The following POU2AF2 variants were observed in gnomAD, a reference collection of about 807,000 sequenced individuals.
POU2AF2 encodes the protein POU domain class 2-associating factor 2.
chr11:111,280,751 A>T, the POU2AF2 span, among the ~76,000 whole-genome samples: 1 of 152,252 alleles, frequency 6.6e-6, no homozygotes, highest in East Asian at 1.9e-4. Context: ...GCTTCCTTTA[A>T]ATGAAAAAGT....
At chr11:111,284,251 C>G in the POU2AF2 span, 4 of 1,614,128 alleles carry the variant, frequency 2.5e-6, no homozygotes, top group South Asian at 1.1e-5. Flanking sequence ...CCTACTTCCC[C>G]CAGGAGCCCT....
At chr11:111,284,296 C>T in the POU2AF2 span, 5 of 1,613,378 alleles carry the variant, frequency 3.1e-6, no homozygotes, top group African/African-American at 6.7e-5. Flanking sequence ...TGACGCCCAA[C>T]GCGGGCTCTC....
At chr11:111,281,284 C>T in the POU2AF2 span, 1 of 798,056 alleles carries the variant, frequency 1.3e-6, no homozygotes, top group African/African-American at 1.8e-5. Context: ...CAACCCAACT[C>T]CCCAGATAAT....
the POU2AF2 span, among the ~76,000 whole-genome samples, chr11:111,264,543 A>G: frequency 5.7e-5 from 4 of 69,882 alleles, no homozygotes; most frequent in African/African-American, 2.1e-4. Context: ...AAAGAAAGAA[A>G]GAAAGAAAGA....
chr11:111,264,497 A>G, the POU2AF2 span, among the ~76,000 whole-genome samples: 2 of 6,680 alleles, frequency 3.0e-4, no homozygotes, highest in Non-Finnish European at 3.5e-4. Context: ...CTCACGAAAG[A>G]AAGAAAGAAA....
At chr11:111,256,826 T>C in the POU2AF2 span, among the ~76,000 whole-genome samples, 1 of 152,242 alleles carries the variant, frequency 6.6e-6, no homozygotes, top group Admixed American at 6.5e-5. Context: ...GGAATAATAC[T>C]CACCTTCATC....
chr11:111,280,057 A>AAAAAATATATATATATAT, the POU2AF2 span, among the ~76,000 whole-genome samples: 1 of 76,476 alleles, frequency 1.3e-5, no homozygotes, highest in Middle Eastern at 6.7e-3. Context: ...AAAAAAAAAA[A>AAAAAATATATATATATAT]ATATATATAT....
the POU2AF2 span, among the ~76,000 whole-genome samples, chr11:111,269,380 T>A: frequency 5.3e-5 from 8 of 152,182 alleles, no homozygotes; most frequent in Admixed American, 5.2e-4. Context: ...TTTAGAGATC[T>A]GAACCACATT....
chr11:111,259,778 A>T, the POU2AF2 span, among the ~76,000 whole-genome samples: 1 of 152,366 alleles, frequency 6.6e-6, no homozygotes, highest in South Asian at 2.1e-4. Flanking sequence ...ATTCTCAGGC[A>T]TCAAGTGCAT....
chr11:111,271,497 C>CT, the POU2AF2 span, among the ~76,000 whole-genome samples: 1 of 152,102 alleles, frequency 6.6e-6, no homozygotes, highest in Admixed American at 6.5e-5. Flanking sequence ...ATTTGGCTCA[C>CT]TGCAGCCTTG....
chr11:111,267,124 T>C, the POU2AF2 span, among the ~76,000 whole-genome samples: 1 of 152,202 alleles, frequency 6.6e-6, no homozygotes, highest in African/African-American at 2.4e-5. Flanking sequence ...GGACCTTCCT[T>C]TCCTACGATA....
chr11:111,246,768 T>C, the POU2AF2 span, among the ~76,000 whole-genome samples: 1 of 152,196 alleles, frequency 6.6e-6, no homozygotes, highest in South Asian at 2.1e-4. Context: ...ATGGTTACTA[T>C]AGTGAAACAG....
the POU2AF2 span, among the ~76,000 whole-genome samples, chr11:111,263,408 A>T: frequency 7.1e-4 from 100 of 141,346 alleles, no homozygotes; most frequent in South Asian, 9.0e-3. Context: ...AACCTACAAC[A>T]CTCAGGTTTA....
the POU2AF2 span, among the ~76,000 whole-genome samples, chr11:111,268,553 A>T: frequency 1.6e-5 from 2 of 127,002 alleles, no homozygotes; most frequent in Non-Finnish European, 1.6e-5. Flanking sequence ...TTTTATTTTG[A>T]GATGGAGTCT....
At chr11:111,254,988 G>A in the POU2AF2 span, among the ~76,000 whole-genome samples, 1 of 152,150 alleles carries the variant, frequency 6.6e-6, no homozygotes, top group Admixed American at 6.5e-5. Flanking sequence ...CACTAATACA[G>A]TGTATAAATG....
chr11:111,280,409 G>A, the POU2AF2 span, among the ~76,000 whole-genome samples: 1 of 152,048 alleles, frequency 6.6e-6, no homozygotes, highest in South Asian at 2.1e-4. Flanking sequence ...AGCTACTCAT[G>A]GTTAACTGCA....
the POU2AF2 span, among the ~76,000 whole-genome samples, chr11:111,248,952 T>C: frequency 6.6e-6 from 1 of 152,234 alleles, no homozygotes; most frequent in Non-Finnish European, 1.5e-5. Context: ...CCATTAAGTC[T>C]ACTATAGACT....
At chr11:111,273,496 T>G in the POU2AF2 span, among the ~76,000 whole-genome samples, 1 of 152,256 alleles carries the variant, frequency 6.6e-6, no homozygotes, top group African/African-American at 2.4e-5. Context: ...ATATCACCTG[T>G]TCACAAGTGG....
chr11:111,257,999 T>A, the POU2AF2 span, among the ~76,000 whole-genome samples: 1 of 152,154 alleles, frequency 6.6e-6, no homozygotes, highest in Non-Finnish European at 1.5e-5. Context: ...ATGCCTGTAA[T>A]GTCAGCTACT....
Sources: allele counts gnomAD v4.1 joint callset (sites outside exome capture counted in the v4.1 genomes callset), GRCh38; gene constraint gnomAD v4.1.1; transcripts MANE v1.5; gene names NCBI Gene and HGNC (gene_info 2026-07-23, HGNC 2026-07-21).